Variants in PCDHGA12 observed in about 807,000 individuals in gnomAD.
PCDHGA12 encodes protocadherin gamma subfamily A, 12.
PCDHGA12 carries 43 observed loss-of-function variants against 61.1 expected under a neutral mutation model. The observed-to-expected ratio is 0.70, with a 90% confidence interval of 0.55 to 0.91. The LOEUF (loss-of-function observed/expected upper bound fraction) is 0.91, where lower values mean the gene tolerates loss of function less well. Ranked by LOEUF, PCDHGA12 falls within the 40% of genes least tolerant of loss-of-function variation. PCDHGA12 has a pLI of 0.00. For missense variants in PCDHGA12, 1,236 were observed against 1,227.7 expected, an observed-to-expected ratio of 1.01 and a Z score of -0.10; for synonymous variants, 520 against 542.9, an observed-to-expected ratio of 0.96 and a Z score of 0.59.
chr5:141,478,292 C>T, intron 1 of PCDHGA12: 1 of 1,614,146 alleles, frequency 6.2e-7, no homozygotes, highest in Non-Finnish European at 8.5e-7. Flanking sequence ...GTCTAGAGAC[C>T]TATACCGAGC....
At chr5:141,444,918 C>T (rs1197922745) in intron 1 of PCDHGA12, among the ~76,000 whole-genome samples, 1 of 152,106 alleles carries the variant, frequency 6.6e-6, no homozygotes, top group Non-Finnish European at 1.5e-5. Flanking sequence ...ATACCTTTAT[C>T]AGGGAAAGAG....
chr5:141,438,581 TAC>T (rs2097976954), intron 1 of PCDHGA12, among the ~76,000 whole-genome samples: 6 of 49,834 alleles, frequency 1.2e-4, no homozygotes, highest in African/African-American at 7.2e-4. Flanking sequence ...TATACATACA[TAC>T]ATACATACAT....
rs781173890 is a variant in PCDHGA12, at chr5:141,476,165, G to T, written c.2425-18642G>T. 5.3e-5 allele frequency: 86 copies of T among 1,613,106 alleles called. No individual in the cohort carries two copies. Among genetic ancestry groups the T allele is most frequent in the Non-Finnish European group, 7.2e-5 (85 of 1,179,976 alleles). On this transcript the variant is annotated intron_variant, in intron 1 of 3. Transcript: ENST00000252085. The surrounding 1 kb of genome is among the most constrained non-coding windows in gnomAD (Gnocchi z 7.6). ...CGGACTGGTAAGCACCGGGAGGGTA[G>T]TGGGAGTTTTGCTTCTGCTTGGTGC...
chr5:141,477,835 T>G lies in PCDHGA12; in HGVS notation c.2425-16972T>G. ...CCCAGGTCCTATATCCTCGGCCAGG[T>G]GGGAGCTCGGTGGAGATGCTGCCTC... On this transcript the variant is annotated intron_variant, in intron 1 of 3. Coordinates refer to ENST00000252085, the MANE Select transcript of PCDHGA12 (RefSeq NM_003735.3). This position sits in a 1 kb window ranked among gnomAD's most constrained non-coding sequence, Gnocchi z 4.9. The G allele has an allele frequency of 6.2e-7, 1 of 1,614,090 alleles. No individual in the cohort carries two copies. Among genetic ancestry groups the G allele is most frequent in the South Asian group, 1.1e-5 (1 of 91,072 alleles).
chr5:141,437,074 A>G (rs1455066447), intron 1 of PCDHGA12, among the ~76,000 whole-genome samples: 1 of 152,250 alleles, frequency 6.6e-6, no homozygotes, highest in Non-Finnish European at 1.5e-5. Flanking sequence ...GGTTTGGGCC[A>G]TATAAGAATT....
At position 141,491,489 on chromosome 5, in the gene PCDHGA12, A is replaced by T; in HGVS notation, c.2425-3318A>T. 1.2e-6 allele frequency: 2 copies of T among 1,614,130 alleles called. No individual in the cohort carries two copies. Among genetic ancestry groups the T allele is most frequent in the Non-Finnish European group, 1.7e-6 (2 of 1,180,018 alleles). On this transcript the variant is annotated intron_variant, in intron 1 of 3. Coordinates refer to ENST00000252085, the MANE Select transcript of PCDHGA12 (RefSeq NM_003735.3). This position sits in a 1 kb window ranked among gnomAD's most constrained non-coding sequence, Gnocchi z 6.9. ...TATAAGCAGTCCAGCCCCAACCTGC[A>T]GGTGAGCTCGGACGGCACGCTCAAG... is the stretch of plus-strand genomic sequence containing the variant.
chr5:141,488,552 A>C (rs993681273), intron 1 of PCDHGA12, among the ~76,000 whole-genome samples: 1 of 152,194 alleles, frequency 6.6e-6, no homozygotes, highest in African/African-American at 2.4e-5. Context: ...GTCAGCTGAC[A>C]TTGAGATTTC....
chr5:141,438,635 TACACAC>T (rs56854727), intron 1 of PCDHGA12, among the ~76,000 whole-genome samples: 557 of 33,182 alleles, frequency 0.017, 8 homozygotes, highest in South Asian at 0.028. Flanking sequence ...TATATATATA[TACACAC>T]ACACACACAC....
At chr5:141,495,800 C>T (rs1351461035) in intron 2 of PCDHGA12, among the ~76,000 whole-genome samples, 5 of 152,134 alleles carry the variant, frequency 3.3e-5, no homozygotes, top group Non-Finnish European at 7.3e-5. Context: ...CTCCTTTCAC[C>T]GTTTCCTAGC....
intron 1 of PCDHGA12, among the ~76,000 whole-genome samples, chr5:141,463,797 T>C (rs58523023): frequency 0.28 from 42,459 of 152,012 alleles, 6,656 homozygotes; most frequent in African/African-American, 0.43. Flanking sequence ...TGAACAAATG[T>C]CTAAAAGCTT....
Position 141,430,973 on chromosome 5 carries a change from A to G in PCDHGA12, c.214A>G (p.Thr72Ala). ...RGVRIIPRGRTQLFALNPRSG... is the reference protein window; with the variant it reads ...RGVRIIPRGRAQLFALNPRSG... ...AGTCCGCATCATCCCCAGAGGTAGG[A>G]CGCAGCTTTTCGCCCTGAATCCGCG... is the stretch of plus-strand genomic sequence containing the variant. Residue 72 changes from threonine (T) to alanine (A), a missense_variant, in exon 1 of 4, where the codon ACG (threonine) becomes GCG (alanine). Physicochemically the swap from Thr to Ala is moderately conservative, Grantham distance 58 (BLOSUM62 0). Transcript: ENST00000252085. 6.2e-7 allele frequency: 1 copy of G among 1,613,266 alleles called. No homozygotes were observed. The highest frequency in any genetic ancestry group is 2.2e-5 in the East Asian group (1 of 44,868).
chr5:141,496,287 C>T (rs768553690), intron 2 of PCDHGA12, among the ~76,000 whole-genome samples: 3 of 152,200 alleles, frequency 2.0e-5, no homozygotes, highest in Non-Finnish European at 4.4e-5. Flanking sequence ...TTGGTCTGAG[C>T]AGAGTGGGAT....
chr5:141,432,094 C>G lies in PCDHGA12; in HGVS notation c.1335C>G (p.Thr445=). The change falls in exon 1 of 4, where the codon ACC becomes ACG. Residue 445 remains threonine, a synonymous_variant. Transcript: ENST00000252085. This position sits in a 1 kb window ranked among gnomAD's most constrained non-coding sequence, Gnocchi z 6.0. The part of the protein sequence containing the change: ...ETHISLNVAD[T]NDNPPVFPQA... ...ATATCTCGCTGAACGTGGCAGACAC[C>G]AACGACAACCCGCCGGTCTTCCCTC... The G allele has an allele frequency of 6.2e-7, 1 of 1,614,178 alleles. No homozygotes were observed. The highest frequency in any genetic ancestry group is 8.5e-7 in the Non-Finnish European group (1 of 1,180,046).
rs138608867 is a variant in PCDHGA12 at position 141,477,655 on chromosome 5, T to C, written c.2425-17152T>C. 5.0e-3 allele frequency: 8,034 copies of C among 1,614,186 alleles called. 44 individuals carry two copies. The highest frequency in any genetic ancestry group is 9.4e-3 in the Admixed American group (567 of 60,020). On this transcript the variant is annotated intron_variant, in intron 1 of 3. Coordinates refer to ENST00000252085, the MANE Select transcript of PCDHGA12 (RefSeq NM_003735.3). The surrounding 1 kb of genome is among the most constrained non-coding windows in gnomAD (Gnocchi z 4.9). ...TAGTGGGTCGCTATTTCACAATAAA[T>C]CGTGACAATGGCATAGTGTCATCCT...
In PCDHGA12 at chr5:141,476,933, GA is replaced by G; in HGVS notation, c.2425-17872del. 1 of 1,614,176 alleles carries G rather than the reference GA, an allele frequency of 6.2e-7. No individual in the cohort carries two copies. Reference sequence around the variant, plus strand: ...ACAAGTCCTTGCAACGGATCTGGATGAAGGCCCCAACGGTGAAATTATTTAC... The same window carrying G: ...ACAAGTCCTTGCAACGGATCTGGATGAGGCCCCAACGGTGAAATTATTTAC... On this transcript the variant is annotated intron_variant, in intron 1 of 3. Transcript: ENST00000252085. This position sits in a 1 kb window ranked among gnomAD's most constrained non-coding sequence, Gnocchi z 7.6.
chr5:141,467,554 T>A (rs2099145880), intron 1 of PCDHGA12, among the ~76,000 whole-genome samples: 1 of 152,238 alleles, frequency 6.6e-6, no homozygotes. Flanking sequence ...TATATCTTTT[T>A]TCCCAAATGG....
At position 141,476,749 on chromosome 5, in the gene PCDHGA12, G is replaced by C; in HGVS notation, c.2425-18058G>C. On this transcript the variant is annotated intron_variant, in intron 1 of 3. Transcript: ENST00000252085. The surrounding 1 kb of genome is among the most constrained non-coding windows in gnomAD (Gnocchi z 7.6). ...ACCGAGAACGGGAGCCTAGTCTCCA[G>C]TTAGTGCTGACGGCGTTGGACGGAG... is the stretch of plus-strand genomic sequence containing the variant. 1.9e-6 allele frequency: 3 copies of C among 1,614,042 alleles called. No homozygotes were observed. The highest frequency in any genetic ancestry group is 2.5e-6 in the Non-Finnish European group (3 of 1,180,038).
chr5:141,437,518 T>C (rs1482415074), intron 1 of PCDHGA12, among the ~76,000 whole-genome samples: 1 of 152,210 alleles, frequency 6.6e-6, no homozygotes, highest in African/African-American at 2.4e-5. Flanking sequence ...ATAAGGCTGA[T>C]GACAAATGAG....
intron 1 of PCDHGA12, among the ~76,000 whole-genome samples, chr5:141,436,389 TTAAA>T (rs1385837876): frequency 6.6e-6 from 1 of 152,212 alleles, no homozygotes; most frequent in Non-Finnish European, 1.5e-5. Context: ...ATAGGCTTTA[TTAAA>T]TAGTTGTTGA....
Sources: allele counts gnomAD v4.1 joint callset (sites outside exome capture counted in the v4.1 genomes callset), GRCh38; gene constraint gnomAD v4.1.1; non-coding constraint Gnocchi (gnomAD v3.1); transcripts MANE v1.5; gene names NCBI Gene and HGNC (gene_info 2026-07-23, HGNC 2026-07-21).